The following SKIC3 variants were observed in gnomAD, a reference collection of about 807,000 sequenced individuals.
The protein encoded by SKIC3 is SKI3 subunit of superkiller complex, also known as superkiller complex protein 3.
At chr5:95,494,040 T>C in the SKIC3 span, among the ~76,000 whole-genome samples, 292 of 152,244 alleles carry the variant, frequency 1.9e-3, 2 homozygotes, top group African/African-American at 6.8e-3. Context: ...TTCAAGAAGC[T>C]AACTACACGT....
the SKIC3 span, among the ~76,000 whole-genome samples, chr5:95,468,757 T>A: frequency 1.3e-5 from 2 of 152,168 alleles, no homozygotes; most frequent in African/African-American, 4.8e-5. Flanking sequence ...ACTGCATTTT[T>A]ATTTGGGCTA....
chr5:95,526,510 G>A, the SKIC3 span, among the ~76,000 whole-genome samples: 74 of 150,242 alleles, frequency 4.9e-4, no homozygotes, highest in Non-Finnish European at 9.4e-4. Flanking sequence ...GTCTCGCTTC[G>A]ATGCCCAGGC....
At chr5:95,485,451 T>C in the SKIC3 span, among the ~76,000 whole-genome samples, 2 of 152,236 alleles carry the variant, frequency 1.3e-5, no homozygotes, top group African/African-American at 2.4e-5. Context: ...CATTTTCAAA[T>C]GGTACATCAA....
the SKIC3 span, chr5:95,469,633 A>G: frequency 8.3e-4 from 939 of 1,126,030 alleles, 3 homozygotes; most frequent in Non-Finnish European, 1.2e-3. Context: ...AGTTCTTCCA[A>G]AGTAGATACA....
At chr5:95,529,366 C>G in the SKIC3 span, 1 of 500,812 alleles carries the variant, frequency 2.0e-6, no homozygotes, top group Non-Finnish European at 3.6e-6. Context: ...TACACTGTAG[C>G]TAGAATATCT....
chr5:95,492,723 C>T, the SKIC3 span, among the ~76,000 whole-genome samples: 1 of 124,358 alleles, frequency 8.0e-6, no homozygotes, highest in Non-Finnish European at 1.7e-5. Flanking sequence ...GCTGAGGTGC[C>T]ATAGGGTCTT....
At chr5:95,519,439 T>A in the SKIC3 span, among the ~76,000 whole-genome samples, 478 of 152,074 alleles carry the variant, frequency 3.1e-3, 8 homozygotes, top group Admixed American at 0.025. Flanking sequence ...AGAAATAATA[T>A]TAATTATTGT....
the SKIC3 span, among the ~76,000 whole-genome samples, chr5:95,465,129 T>C: frequency 6.6e-6 from 1 of 152,018 alleles, no homozygotes. Context: ...GGTTTCACCA[T>C]GTTGGCCAGA....
chr5:95,540,773 C>T, the SKIC3 span: 1 of 1,614,102 alleles, frequency 6.2e-7, no homozygotes, highest in Non-Finnish European at 8.5e-7. Flanking sequence ...TGAAGCTCTT[C>T]ATTTTCTGCA....
At chr5:95,513,704 CA>C in the SKIC3 span, 1 of 1,503,338 alleles carries the variant, frequency 6.7e-7, no homozygotes, top group South Asian at 1.1e-5. Flanking sequence ...AATAATAATA[CA>C]AAATGAAACT....
the SKIC3 span, chr5:95,524,637 C>T: frequency 6.2e-7 from 1 of 1,608,380 alleles, no homozygotes. Context: ...AACAAATACA[C>T]ACACACCCAC....
chr5:95,484,064 A>G, the SKIC3 span, among the ~76,000 whole-genome samples: 6 of 152,216 alleles, frequency 3.9e-5, no homozygotes, highest in Non-Finnish European at 7.4e-5. Context: ...CTTGAGTCCT[A>G]GAGTCAGACA....
the SKIC3 span, chr5:95,498,574 G>A: frequency 6.2e-7 from 1 of 1,613,788 alleles, no homozygotes; most frequent in Non-Finnish European, 8.5e-7. Context: ...TTCTGTGGTT[G>A]GTTCCTTTAA....
chr5:95,515,637 G>A, the SKIC3 span, among the ~76,000 whole-genome samples: 35 of 152,090 alleles, frequency 2.3e-4, no homozygotes, highest in South Asian at 5.6e-3. Context: ...AAAAGTTCAC[G>A]TATTTTAAAA....
chr5:95,471,939 A>G, the SKIC3 span, among the ~76,000 whole-genome samples: 2 of 152,216 alleles, frequency 1.3e-5, no homozygotes, highest in Non-Finnish European at 2.9e-5. Context: ...AAGAGTTTCA[A>G]GATAGCAACT....
chr5:95,489,382 C>G, the SKIC3 span, among the ~76,000 whole-genome samples: 5 of 151,400 alleles, frequency 3.3e-5, no homozygotes, highest in Admixed American at 2.0e-4. Flanking sequence ...AGCAAAAGAG[C>G]AATGACATAA....
At chr5:95,509,514 C>T in the SKIC3 span, 81 of 1,093,854 alleles carry the variant, frequency 7.4e-5, 1 homozygote, top group South Asian at 3.2e-4. Context: ...GTTCTCCCAA[C>T]GCACAGGCCA....
At chr5:95,516,450 G>A in the SKIC3 span, 14 of 1,612,138 alleles carry the variant, frequency 8.7e-6, no homozygotes, top group Non-Finnish European at 9.3e-6. Context: ...TAGGCCCCTT[G>A]TCTAGTTGAA....
the SKIC3 span, chr5:95,478,505 T>A: frequency 6.3e-7 from 1 of 1,594,962 alleles, no homozygotes; most frequent in African/African-American, 1.3e-5. Flanking sequence ...CTGTTACCCC[T>A]ACTTCCAACA....
Sources: gnomAD v4.1 joint callset for allele counts (sites outside exome capture counted in the v4.1 genomes callset) on GRCh38, gnomAD v4.1.1 for gene constraint, MANE v1.5 for transcripts, NCBI Gene and HGNC (gene_info 2026-07-23, HGNC 2026-07-21) for gene names.